The following GPC5 variants were observed in gnomAD, a reference collection of about 807,000 sequenced individuals.
The protein encoded by GPC5 is glypican 5.
GPC5 carries 47 observed loss-of-function variants against 53.9 expected under a neutral mutation model. That is an observed-to-expected ratio of 0.87 (90% confidence interval 0.69 to 1.11). The LOEUF (loss-of-function observed/expected upper bound fraction) is 1.11, where lower values mean the gene tolerates loss of function less well. GPC5 is among the 50% of genes most tolerant of loss of function. The probability of loss-of-function intolerance (pLI) is 0.00; values close to 1 mark genes in which losing one functional copy is unlikely to be tolerated. For missense variants in GPC5, 748 were observed against 713.1 expected, an observed-to-expected ratio of 1.05 and a Z score of -0.56; for synonymous variants, 286 against 263.3, an observed-to-expected ratio of 1.09 and a Z score of -0.84.
intron 7 of GPC5, among the ~76,000 whole-genome samples, chr13:92,529,324 C>A (rs1359794451): frequency 6.6e-6 from 1 of 152,144 alleles, no homozygotes; most frequent in African/African-American, 2.4e-5. Flanking sequence ...AAACAGCCTT[C>A]ACCTTAAGAT....
At chr13:92,854,675 G>T (rs1878936498) in intron 7 of GPC5, among the ~76,000 whole-genome samples, 1 of 151,988 alleles carries the variant, frequency 6.6e-6, no homozygotes, top group Admixed American at 6.6e-5. Context: ...AGGGAAGAAT[G>T]TACCTTCACC....
chr13:92,142,168 C>T (rs1006560978), intron 6 of GPC5, among the ~76,000 whole-genome samples: 6 of 152,120 alleles, frequency 3.9e-5, no homozygotes, highest in African/African-American at 1.4e-4. Flanking sequence ...GCACGTTGTG[C>T]ACATGTACCC....
At chr13:92,789,275 A>G (rs866192613) in intron 7 of GPC5, among the ~76,000 whole-genome samples, 1 of 152,126 alleles carries the variant, frequency 6.6e-6, no homozygotes, top group African/African-American at 2.4e-5. Context: ...TGTACACCAC[A>G]TGGACTCTTT....
rs200480443 is a variant in GPC5, at chr13:92,079,067, T to TC, written c.1402-65762dup. Among the ~76,000 whole-genome samples the TC allele has an allele frequency of 1.0e-2, 1,520 of 152,244 alleles. 26 individuals are homozygous for TC. The highest frequency in any genetic ancestry group is 0.035 in the African/African-American group (1,458 of 41,516). On this transcript the variant is annotated intron_variant, in intron 6 of 7. Coordinates refer to ENST00000377067, the MANE Select transcript of GPC5 (RefSeq NM_004466.6). ...TCTTTTTTTTAATTTTTCTTTTTTT[T>TC]CGAGATGGAATTTCACTCTTGTTGC...
rs72633768 is a variant in GPC5 at position 91,991,166 on chromosome 13, A to G, written c.1401+83109A>G. On this transcript the variant is annotated intron_variant, in intron 6 of 7. Coordinates refer to ENST00000377067, the MANE Select transcript of GPC5 (RefSeq NM_004466.6). ...TCGTACACAATGGCTTCCACTTGCT[A>G]TTTACCTCATAGAATCATTGTATTT... Among the ~76,000 whole-genome samples, 430 of 152,260 alleles carry G rather than the reference A, an allele frequency of 2.8e-3. 4 individuals are homozygous for G. The highest frequency in any genetic ancestry group is 0.012 in the Admixed American group (186 of 15,300).
At chr13:92,569,342 A>C (rs920642676) in intron 7 of GPC5, among the ~76,000 whole-genome samples, 5 of 151,998 alleles carry the variant, frequency 3.3e-5, no homozygotes, top group African/African-American at 1.2e-4. Flanking sequence ...AGGCTTAAAG[A>C]GGCTAAGTGA....
At chr13:92,801,729 G>A (rs1331940051) in intron 7 of GPC5, among the ~76,000 whole-genome samples, 2 of 151,268 alleles carry the variant, frequency 1.3e-5, no homozygotes, top group Non-Finnish European at 3.0e-5. Context: ...TAATGTGCAT[G>A]TTTTACATTT....
intron 7 of GPC5, among the ~76,000 whole-genome samples, chr13:92,247,339 T>C (rs1010502197): frequency 6.6e-6 from 1 of 152,104 alleles, no homozygotes; most frequent in Non-Finnish European, 1.5e-5. Flanking sequence ...GTTAAGAAAT[T>C]AAGATGTGGA....
chr13:91,665,023 G>A (rs1385660909), intron 2 of GPC5, among the ~76,000 whole-genome samples: 1 of 152,132 alleles, frequency 6.6e-6, no homozygotes, highest in African/African-American at 2.4e-5. Context: ...ATTCTCATTA[G>A]ATATGAAACA....
intron 2 of GPC5, among the ~76,000 whole-genome samples, chr13:91,606,913 G>T (rs976074759): frequency 9.3e-5 from 14 of 151,150 alleles, no homozygotes; most frequent in African/African-American, 3.4e-4. Context: ...CCAGCTCCTG[G>T]ATTCATTAAT....
intron 7 of GPC5, among the ~76,000 whole-genome samples, chr13:92,178,225 C>T (rs2042122306): frequency 6.6e-6 from 1 of 152,040 alleles, no homozygotes; most frequent in Admixed American, 6.6e-5. Flanking sequence ...GCGTTTATTC[C>T]AGTCTAGGGA....
intron 2 of GPC5, among the ~76,000 whole-genome samples, chr13:91,533,826 A>G (rs925478980): frequency 1.3e-5 from 2 of 152,212 alleles, no homozygotes; most frequent in Non-Finnish European, 2.9e-5. Context: ...TCAATGATTT[A>G]GAGCCATCTA....
intron 7 of GPC5, among the ~76,000 whole-genome samples, chr13:92,269,685 C>A (rs569103651): frequency 6.6e-6 from 1 of 152,152 alleles, no homozygotes; most frequent in Non-Finnish European, 1.5e-5. Context: ...GGATTACAGG[C>A]GTGAGCCACC....
rs77782330 is a variant in GPC5 at position 91,791,215 on chromosome 13, T to C, written c.1280+34795T>C. On this transcript the variant is annotated intron_variant, in intron 5 of 7. Coordinates refer to ENST00000377067, the MANE Select transcript of GPC5 (RefSeq NM_004466.6). ...GGTGGAACAAAGAGAAGAGATAGCATTAGCAGAGCCAAGGGCCCATCTGAG... is the reference window on the plus strand; with the variant it reads ...GGTGGAACAAAGAGAAGAGATAGCACTAGCAGAGCCAAGGGCCCATCTGAG... Among the ~76,000 whole-genome samples the C allele has an allele frequency of 5.9e-5, 9 of 152,282 alleles. No homozygotes were observed. The East Asian group carries it at 1.5e-3, about 26-fold the overall frequency.
chr13:91,698,155 C>T (rs2035921955), intron 3 of GPC5, among the ~76,000 whole-genome samples: 1 of 152,014 alleles, frequency 6.6e-6, no homozygotes, highest in South Asian at 2.1e-4. Flanking sequence ...CCCATCTTGG[C>T]CTCCCAAGGT....
chr13:91,669,791 C>T (rs1195554059), intron 2 of GPC5, among the ~76,000 whole-genome samples: 1 of 152,198 alleles, frequency 6.6e-6, no homozygotes, highest in Non-Finnish European at 1.5e-5. Context: ...GCCATTCTCA[C>T]TGAGGCTCAA....
At chr13:92,250,695 TA>T (rs1347296600) in intron 7 of GPC5, among the ~76,000 whole-genome samples, 1 of 152,058 alleles carries the variant, frequency 6.6e-6, no homozygotes, top group Non-Finnish European at 1.5e-5. Context: ...AAAAAATAAC[TA>T]TAGCTGGAAT....
At chr13:92,408,631 C>T (rs554027859) in intron 7 of GPC5, among the ~76,000 whole-genome samples, 1 of 61,244 alleles carries the variant, frequency 1.6e-5, no homozygotes, top group African/African-American at 5.2e-5. Flanking sequence ...TATATATAGA[C>T]ACACACACAC....
intron 7 of GPC5, among the ~76,000 whole-genome samples, chr13:92,826,034 T>A (rs78784492): frequency 0.041 from 6,259 of 152,248 alleles, 180 homozygotes; most frequent in Middle Eastern, 0.099. Context: ...GTGAATATTT[T>A]CATGCATATT....
Sources: allele counts gnomAD v4.1 joint callset (sites outside exome capture counted in the v4.1 genomes callset), GRCh38; gene constraint gnomAD v4.1.1; transcripts MANE v1.5; gene names NCBI Gene and HGNC (gene_info 2026-07-23, HGNC 2026-07-21).